RPAP1: variants seen among roughly 807,000 people sequenced by gnomAD.
The protein encoded by RPAP1 is RNA polymerase II associated protein 1, also known as RNA polymerase II-associated protein 1.
RPAP1 carries 109 observed loss-of-function variants against 142.4 expected under a neutral mutation model. The ratio of observed to expected loss-of-function variants is 0.77; its 90% CI spans 0.66 to 0.90. RPAP1 has a LOEUF of 0.90. RPAP1 is among the 40% of genes least tolerant of loss of function. The pLI is 0.00. For synonymous variants in RPAP1, 704 were observed against 738.9 expected, an observed-to-expected ratio of 0.95 and a Z score of 0.77; for missense variants, 1,546 against 1,751.7, an observed-to-expected ratio of 0.88 and a Z score of 2.10.
In RPAP1 at chr15:41,527,947, C is replaced by T. The variant is rs2051811988; in HGVS notation, c.1341G>A (p.Leu447=). ...LLLDAGFLFL[L]RFSLDDRVDG... ...CCACTCTGTCATCCAAGGAGAAGCGCAGTAGGAAGAGGAAACCAGCATCCA... is the reference window on the plus strand; with the variant it reads ...CCACTCTGTCATCCAAGGAGAAGCGTAGTAGGAAGAGGAAACCAGCATCCA... Residue 447 remains leucine (L), a synonymous_variant, in exon 11 of 25, where the codon CTG becomes CTA. Transcript: ENST00000304330. 1 of 1,614,074 alleles carries T rather than the reference C, an allele frequency of 6.2e-7. No homozygotes were observed. Among genetic ancestry groups the T allele is most frequent in the South Asian group, 1.1e-5 (1 of 91,078 alleles).
chr15:41,537,248 C>T (rs902421030), intron 1 of RPAP1, 47 bp from the exon 2 acceptor site: 6 of 937,636 alleles, frequency 6.4e-6, no homozygotes, highest in Non-Finnish European at 9.6e-6. Context: ...AACCCTGATT[C>T]TCTTTATTGG....
chr15:41,538,268 AACAG>A (rs1440716506), intron 1 of RPAP1, among the ~76,000 whole-genome samples: 22 of 152,000 alleles, frequency 1.4e-4, no homozygotes, highest in African/African-American at 5.1e-4. Flanking sequence ...CAAAACAAAA[AACAG>A]ACAGGATCTC....
At chr15:41,530,689 CAG>C (rs1327474182) in intron 7 of RPAP1, among the ~76,000 whole-genome samples, 2 of 152,122 alleles carry the variant, frequency 1.3e-5, no homozygotes, top group African/African-American at 4.8e-5. Context: ...AGAGAAAGAA[CAG>C]TGGGATGGAC....
At chr15:41,522,981 C>T in intron 18 of RPAP1, 21 bp from the exon 19 acceptor site, 1 of 1,504,514 alleles carries the variant, frequency 6.6e-7, no homozygotes, top group Non-Finnish European at 8.8e-7. Flanking sequence ...AGTGGAGAGT[C>T]TGAGGGGGAC....
In RPAP1 at chr15:41,523,574, G is replaced by C. The variant is rs1374954054; in HGVS notation, c.2436+197C>G. On this transcript the variant is annotated intron_variant, in intron 17 of 24. Coordinates refer to ENST00000304330, the MANE Select transcript of RPAP1 (RefSeq NM_015540.4). Reference sequence around the variant, plus strand: ...GGCTGAGCTGCTGCGTGGGCTCTCTGGTCCCCACCAACATGGCTCCTGGGA... The same window carrying C: ...GGCTGAGCTGCTGCGTGGGCTCTCTCGTCCCCACCAACATGGCTCCTGGGA... Among the ~76,000 whole-genome samples the C allele has an allele frequency of 2.0e-5, 3 of 152,226 alleles. No individual in the cohort carries two copies. The East Asian group carries it at 5.8e-4, about 29-fold the overall frequency.
rs752530422 is a variant in RPAP1 at position 41,520,968 on chromosome 15, G to A, written c.3218C>T (p.Ser1073Phe). ...TAGCTCCCCTCGGTGCAGAGCCTGG[G>A]AGGCCAGCAGACTGGCTCGGGCTGG... ...CSPARASLLA[S>F]QALHRGELQR... is the part of the protein sequence containing the mutation. Residue 1073 changes from serine to phenylalanine, a missense_variant, in exon 22 of 25, where the codon TCC becomes TTC. By Grantham distance (155) the Ser-to-Phe change is radical (BLOSUM62 -2). Around this residue, in one of 3 missense-constraint regions of RPAP1, gnomAD observed 1,333 missense variants for 1,486.6 expected, o/e 0.90. Coordinates refer to ENST00000304330, the MANE Select transcript of RPAP1 (RefSeq NM_015540.4). 2.8e-5 allele frequency: 45 copies of A among 1,609,900 alleles called. No homozygotes were observed. Among genetic ancestry groups the A allele is most frequent in the Non-Finnish European group, 3.6e-5 (42 of 1,177,944 alleles).
chr15:41,528,824 G>A (rs1310091454), intron 9 of RPAP1, among the ~76,000 whole-genome samples: 2 of 152,172 alleles, frequency 1.3e-5, no homozygotes, highest in Non-Finnish European at 2.9e-5. Context: ...TGTGAGCAGA[G>A]GGAAGCTGGG....
chr15:41,539,389 G>A (rs1008225139), intron 1 of RPAP1, among the ~76,000 whole-genome samples: 5 of 152,062 alleles, frequency 3.3e-5, no homozygotes, highest in African/African-American at 1.2e-4. Flanking sequence ...CTGACTCCTA[G>A]GTTCAAGTGA....
chr15:41,519,401 C>T (rs1393916311), intron 22 of RPAP1, among the ~76,000 whole-genome samples: 4 of 151,416 alleles, frequency 2.6e-5, no homozygotes, highest in South Asian at 2.1e-4. Context: ...TTAGTAGAGA[C>T]GGTTTCACCA....
Position 41,526,991 on chromosome 15 carries a change from C to T in RPAP1, c.1824G>A (p.Gly608=), listed in dbSNP as rs368693049. The T allele has an allele frequency of 8.4e-5, 136 of 1,614,048 alleles. No individual in the cohort carries two copies. The highest frequency in any genetic ancestry group is 1.1e-4 in the Non-Finnish European group (132 of 1,180,012). The change falls in exon 14 of 25, where the codon GGG becomes GGA. Residue 608 remains glycine, a synonymous_variant. Transcript: ENST00000304330. ...LPTSWSPVGA[G]PTPSLYKVPC... is the part of the protein sequence containing the mutation. ...GTACTTTGTATAGACTAGGGGTAGG[C>T]CCTGCCCCCACAGGAGACCAACTGG...
rs1284179252 is a variant in RPAP1 at position 41,537,146 on chromosome 15, C to T, written c.-21G>A. On this transcript the variant is annotated 5_prime_UTR_variant, in exon 2 of 25. Coordinates refer to ENST00000304330, the MANE Select transcript of RPAP1 (RefSeq NM_015540.4). ...AGCATCTTGCTGCTCCAGCTGCCTC[C>T]CCAGTACGACTCTCTCCAGCAGTGT... The T allele has an allele frequency of 6.2e-7, 1 of 1,608,590 alleles. No homozygotes were observed. The highest frequency in any genetic ancestry group is 1.7e-5 in the Admixed American group (1 of 58,882).
Position 41,537,207 on chromosome 15 carries a change from A to T in RPAP1, c.-76-6T>A. On this transcript the variant is annotated splice_region_variant and splice_polypyrimidine_tract_variant and intron_variant, in intron 1 of 24. Coordinates refer to ENST00000304330, the MANE Select transcript of RPAP1 (RefSeq NM_015540.4). ...GGGTTCCCTCTTATTCATCCCTAAG[A>T]GCAAGAAAGAATATGGGCCCTCTGC... 7.2e-7 allele frequency: 1 copy of T among 1,392,442 alleles called. No individual in the cohort carries two copies. Among genetic ancestry groups the T allele is most frequent in the Admixed American group, 2.4e-5 (1 of 42,214 alleles). The allele number at this position is 1,392,442 out of a possible 1,614,324, so 86.3% of individuals were successfully genotyped here. A position where few individuals can be genotyped will look rare whatever the true frequency, so the allele number is the denominator to read the frequency against.
chr15:41,522,890 G>GT lies in RPAP1; in HGVS notation c.2616dup (p.Leu873ThrfsTer30). On this transcript the variant is annotated frameshift_variant, in exon 19 of 25. Coordinates refer to ENST00000304330, the MANE Select transcript of RPAP1 (RefSeq NM_015540.4). LOFTEE classifies it high-confidence loss of function. ...CGGGGGCAGCCTCCCGAGCAGCCCA[G>GT]TGACACGAGGCTGGGGGGAGCTTCA... 6.3e-7 allele frequency: 1 copy of GT among 1,576,360 alleles called. No individual in the cohort carries two copies. The highest frequency in any genetic ancestry group is 8.6e-7 in the Non-Finnish European group (1 of 1,168,758).
chr15:41,535,375 A>G, intron 5 of RPAP1, 137 bp downstream of exon 5: 1 of 1,264,150 alleles, frequency 7.9e-7, no homozygotes, highest in Non-Finnish European at 1.1e-6. Flanking sequence ...CAAGCCTCCC[A>G]TACCTAGTAT....
At chr15:41,538,796 C>T (rs1474639298) in intron 1 of RPAP1, among the ~76,000 whole-genome samples, 4 of 151,972 alleles carry the variant, frequency 2.6e-5, no homozygotes, top group Non-Finnish European at 5.9e-5. Context: ...TATTTGTCAA[C>T]AAAAAGGAAT....
chr15:41,537,151 T>A lies in RPAP1; in HGVS notation c.-26A>T. 2.5e-6 allele frequency: 4 copies of A among 1,606,176 alleles called. No homozygotes were observed. The South Asian group carries it at 4.4e-5, about 18-fold the overall frequency. The stretch of plus-strand genomic sequence containing the variant: ...CTTGCTGCTCCAGCTGCCTCCCCAG[T>A]ACGACTCTCTCCAGCAGTGTCTCCG... On this transcript the variant is annotated 5_prime_UTR_variant, in exon 2 of 25. Transcript: ENST00000304330.
chr15:41,536,312 C>G, intron 3 of RPAP1, 94 bp from the exon 4 acceptor site: 2 of 1,371,638 alleles, frequency 1.5e-6, no homozygotes, highest in South Asian at 2.4e-5. Context: ...CGATGAGAAC[C>G]TCACTCTGGG....
chr15:41,534,986 C>T (rs1363031056), intron 5 of RPAP1, 51 bp from the exon 6 acceptor site: 5 of 1,571,300 alleles, frequency 3.2e-6, no homozygotes, highest in Admixed American at 1.7e-5. Flanking sequence ...AGGGCTCTAA[C>T]TGGGCTTTTT....
chr15:41,536,469 A>T (rs1240766662), intron 3 of RPAP1, 32 bp downstream of exon 3: 1 of 1,612,266 alleles, frequency 6.2e-7, no homozygotes, highest in East Asian at 2.2e-5. Flanking sequence ...GCCCTAGAAC[A>T]TCTTATCCTA....
Sources: gnomAD v4.1 joint callset for allele counts (sites outside exome capture counted in the v4.1 genomes callset) on GRCh38, gnomAD v4.1.1 for gene constraint, gnomAD v4.1.1 regional missense constraint, MANE v1.5 for transcripts, NCBI Gene and HGNC (gene_info 2026-07-23, HGNC 2026-07-21) for gene names.